Variants in SLCO5A1 observed in about 807,000 individuals in gnomAD.
The protein encoded by SLCO5A1 is solute carrier organic anion transporter family member 5A1, also known as organic anion transporter polypeptide-related protein 4.
In SLCO5A1, 39 loss-of-function variants were observed where a neutral mutation model predicts 65.1. That is an observed-to-expected ratio of 0.60 (90% CI 0.46 to 0.78). The LOEUF is 0.78. Ranked by LOEUF, SLCO5A1 falls within the 30% of genes least tolerant of loss-of-function variation. The probability of loss-of-function intolerance (pLI) is 0.00; values close to 1 mark genes in which losing one functional copy is unlikely to be tolerated. For missense variants in SLCO5A1, 1,029 were observed against 1,069.4 expected (o/e 0.96, Z 0.53); for synonymous variants, 438 against 415.7 (o/e 1.05, Z -0.65).
intron 5 of SLCO5A1, among the ~76,000 whole-genome samples, chr8:69,729,210 C>T (rs1034546337): frequency 2.0e-5 from 3 of 151,888 alleles, no homozygotes; most frequent in Non-Finnish European, 2.9e-5. Context: ...TTTGGGAGGC[C>T]GAGGCAGGCG....
At position 69,832,742 on chromosome 8, in the gene SLCO5A1, G is replaced by C. The variant is rs548516348; in HGVS notation, c.-69C>G. 34 of 1,507,064 alleles carry C rather than the reference G, an allele frequency of 2.3e-5. No homozygotes were observed. Among genetic ancestry groups the C allele is most frequent in the Non-Finnish European group, 3.0e-5 (34 of 1,131,952 alleles). 93.4% of individuals were successfully genotyped at this position (1,507,064 alleles called of 1,614,324 possible). ...TCCGGCACGTTTCATCCACCGGCAC[G>C]AGGGGCCGAAGCCGGGCCCAGTCAG... On this transcript the variant is annotated 5_prime_UTR_variant, in exon 2 of 10. Transcript: ENST00000260126. The surrounding 1 kb of genome is among the most constrained non-coding windows in gnomAD (Gnocchi z 4.5).
chr8:69,744,785 C>T (rs1400951596), intron 4 of SLCO5A1, among the ~76,000 whole-genome samples: 1 of 152,160 alleles, frequency 6.6e-6, no homozygotes, highest in Non-Finnish European at 1.5e-5. Flanking sequence ...TCCAAAGAGA[C>T]ATAATTTCCT....
intron 2 of SLCO5A1, among the ~76,000 whole-genome samples, chr8:69,805,548 A>G (rs1819956258): frequency 6.6e-6 from 1 of 152,238 alleles, no homozygotes; most frequent in Non-Finnish European, 1.5e-5. Flanking sequence ...GAGGGCAAAG[A>G]TACAATGAAT....
At chr8:69,756,857 C>G (rs1182512432) in intron 3 of SLCO5A1, among the ~76,000 whole-genome samples, 4 of 152,236 alleles carry the variant, frequency 2.6e-5, no homozygotes. Flanking sequence ...ATTTCCTTAG[C>G]AATCAGAGGT....
intron 2 of SLCO5A1, among the ~76,000 whole-genome samples, chr8:69,766,047 C>T (rs1818047568): frequency 6.6e-6 from 1 of 152,164 alleles, no homozygotes; most frequent in South Asian, 2.1e-4. Flanking sequence ...ATTAGTCTCT[C>T]TCTCACAGCT....
rs547166745 is a variant in SLCO5A1 at position 69,823,445 on chromosome 8, T to C, written c.907+8322A>G. Reference sequence around the variant, plus strand: ...GATGGAGGAAGATCTACCAAGCAAATGGAAAACAAAAAAAGGCAGGGGTTG... The same window carrying C: ...GATGGAGGAAGATCTACCAAGCAAACGGAAAACAAAAAAAGGCAGGGGTTG... On this transcript the variant is annotated intron_variant, in intron 2 of 9. Transcript: ENST00000260126. 2.0e-4 allele frequency among the ~76,000 whole-genome samples: 31 copies of C among 151,552 alleles called. No individual in the cohort carries two copies. The East Asian group carries it at 5.4e-3, about 27-fold the overall frequency.
intron 2 of SLCO5A1, among the ~76,000 whole-genome samples, chr8:69,768,031 A>G (rs1337559895): frequency 2.4e-4 from 37 of 151,806 alleles, no homozygotes. Flanking sequence ...TCAGGAGCTC[A>G]AGACCAGCCT....
chr8:69,810,394 A>G (rs576780015), intron 2 of SLCO5A1, among the ~76,000 whole-genome samples: 1 of 152,160 alleles, frequency 6.6e-6, no homozygotes, highest in South Asian at 2.1e-4. Context: ...TAAAGCTATT[A>G]TCATAGCCTG....
chr8:69,775,220 A>G (rs1242059261), intron 2 of SLCO5A1, among the ~76,000 whole-genome samples: 2 of 152,236 alleles, frequency 1.3e-5, no homozygotes, highest in Non-Finnish European at 2.9e-5. Flanking sequence ...CATTGGTTGT[A>G]ATTCACTAAC....
rs1276550852 is a variant in SLCO5A1 at position 69,667,798 on chromosome 8, T to A, written c.*5071A>T. 6.6e-6 allele frequency: 1 copy of A among 152,248 alleles called. No individual in the cohort carries two copies. The highest frequency in any genetic ancestry group is 1.5e-5 in the Non-Finnish European group (1 of 68,044). The allele number at this position is 152,248 out of a possible 1,614,324, so 9.4% of individuals were successfully genotyped here. A position where few individuals can be genotyped will look rare whatever the true frequency, so the allele number is the denominator to read the frequency against. The stretch of plus-strand genomic sequence containing the variant: ...TGAAATTATTTTTGGCATCTGATTA[T>A]TCTTGCTAAAATAAATATCAAAAGC... On this transcript the variant is annotated 3_prime_UTR_variant, in exon 10 of 10. Coordinates refer to ENST00000260126, the MANE Select transcript of SLCO5A1 (RefSeq NM_030958.3).
At chr8:69,762,118 T>TTTTTTC (rs1817806008) in intron 2 of SLCO5A1, among the ~76,000 whole-genome samples, 1 of 104,614 alleles carries the variant, frequency 9.6e-6, no homozygotes, top group Non-Finnish European at 1.9e-5. Context: ...TTTTGTTTTG[T>TTTTTTC]TTTCTTTCTT....
At chr8:69,700,981 G>A (rs1814708983) in intron 6 of SLCO5A1, among the ~76,000 whole-genome samples, 2 of 152,036 alleles carry the variant, frequency 1.3e-5, no homozygotes, top group Non-Finnish European at 2.9e-5. Flanking sequence ...AAAAACAAAG[G>A]ATCAATACAG....
intron 2 of SLCO5A1, among the ~76,000 whole-genome samples, chr8:69,781,296 T>C (rs575083235): frequency 1.3e-5 from 2 of 152,362 alleles, no homozygotes; most frequent in South Asian, 4.1e-4. Flanking sequence ...CCTGCAGTCA[T>C]TGGCATCACC....
chr8:69,801,185 G>A (rs1448043985), intron 2 of SLCO5A1, among the ~76,000 whole-genome samples: 1 of 152,032 alleles, frequency 6.6e-6, no homozygotes, highest in African/African-American at 2.4e-5. Flanking sequence ...GAACCCTCAG[G>A]TCCCAGCCAC....
intron 5 of SLCO5A1, among the ~76,000 whole-genome samples, chr8:69,715,643 C>T (rs115036610): frequency 1.1e-3 from 161 of 152,316 alleles, no homozygotes; most frequent in African/African-American, 3.7e-3. Context: ...AAAGTCTGCA[C>T]ATCTGAACTA....
At chr8:69,715,531 G>C (rs1043864812) in intron 5 of SLCO5A1, among the ~76,000 whole-genome samples, 2 of 152,052 alleles carry the variant, frequency 1.3e-5, no homozygotes, top group African/African-American at 4.8e-5. Flanking sequence ...TCGTCATGAC[G>C]CCCACTAATA....
At chr8:69,679,239 G>C in intron 8 of SLCO5A1, 139 bp downstream of exon 8, 1 of 1,173,716 alleles carries the variant, frequency 8.5e-7, no homozygotes, top group Admixed American at 2.2e-5. Flanking sequence ...AAGTTCACCA[G>C]GCAAATATCT....
rs150183193 is a variant in SLCO5A1, at chr8:69,726,223, T to C, written c.1423+11817A>G. Among the ~76,000 whole-genome samples, 1,172 of 152,292 alleles carry C rather than the reference T, an allele frequency of 7.7e-3. 16 individuals are homozygous for C. The highest frequency in any genetic ancestry group is 0.027 in the African/African-American group (1,104 of 41,558). ...GACATTTTCCTGCACTGTGCCCAAA[T>C]ATATAAAATTAAAACACTTAAAATT... On this transcript the variant is annotated intron_variant, in intron 5 of 9. Transcript: ENST00000260126.
chr8:69,783,808 A>T (rs1818903844), intron 2 of SLCO5A1, among the ~76,000 whole-genome samples: 1 of 152,214 alleles, frequency 6.6e-6, no homozygotes, highest in Non-Finnish European at 1.5e-5. Context: ...ACGGAGAATG[A>T]AATGATAATT....
Sources: gnomAD v4.1 joint callset for allele counts (sites outside exome capture counted in the v4.1 genomes callset) on GRCh38, gnomAD v4.1.1 for gene constraint, Gnocchi (gnomAD v3.1) non-coding constraint, MANE v1.5 for transcripts, NCBI Gene and HGNC (gene_info 2026-07-23, HGNC 2026-07-21) for gene names.